Variants in WDR93 observed in about 807,000 individuals in gnomAD.
WDR93 encodes the protein WD repeat-containing protein 93.
Under a neutral mutation model 82.9 loss-of-function variants are expected in WDR93, and 73 were observed. The observed-to-expected ratio is 0.88, with a 90% CI of 0.73 to 1.07. The LOEUF (loss-of-function observed/expected upper bound fraction) is 1.07. WDR93 is among the 50% of genes least tolerant of loss of function. WDR93 has a pLI of 0.00. For missense variants in WDR93, 738 were observed against 826.0 expected (o/e 0.89, Z 1.31); for synonymous variants, 283 against 300.1 (o/e 0.94, Z 0.59).
chr15:89,718,396 C>T (rs1043592675), intron 7 of WDR93, among the ~76,000 whole-genome samples: 1 of 152,010 alleles, frequency 6.6e-6, no homozygotes, highest in Admixed American at 6.5e-5. Context: ...CTCGCTTGAA[C>T]CCGGGAGGCG....
chr15:89,701,336 C>A (rs1333035423), intron 1 of WDR93, among the ~76,000 whole-genome samples: 2 of 152,068 alleles, frequency 1.3e-5, no homozygotes, highest in Non-Finnish European at 1.5e-5. Flanking sequence ...GGCTCACTGC[C>A]CACCTGGCTT....
chr15:89,739,887 G>A (rs552948286), intron 16 of WDR93, among the ~76,000 whole-genome samples: 2 of 152,200 alleles, frequency 1.3e-5, no homozygotes, highest in East Asian at 3.9e-4. Context: ...CTTTCTCTGT[G>A]TAGACTGTTT....
At chr15:89,705,181 C>G (rs1965670867) in intron 3 of WDR93, 2 of 203,692 alleles carry the variant, frequency 9.8e-6, no homozygotes, top group African/African-American at 4.7e-5. Context: ...TATGAATTCT[C>G]AAGAGGAATA....
intron 7 of WDR93, among the ~76,000 whole-genome samples, chr15:89,718,276 C>A (rs1966350368): frequency 6.6e-6 from 1 of 152,142 alleles, no homozygotes; most frequent in Non-Finnish European, 1.5e-5. Context: ...GAGTTTGAGA[C>A]CAGCCTGACC....
intron 4 of WDR93, among the ~76,000 whole-genome samples, chr15:89,711,661 A>G (rs1340479508): frequency 6.6e-6 from 1 of 152,158 alleles, no homozygotes; most frequent in African/African-American, 2.4e-5. Context: ...TCCAGCAACT[A>G]CCAGAGTTTT....
intron 13 of WDR93, 95 bp from the exon 14 acceptor site, chr15:89,735,395 T>C: frequency 7.7e-7 from 1 of 1,299,460 alleles, no homozygotes; most frequent in South Asian, 1.2e-5. Context: ...TTTCTTGATT[T>C]CTCTGAATTT....
At chr15:89,692,084 A>G (rs1964918644) in intron 1 of WDR93, among the ~76,000 whole-genome samples, 1 of 152,130 alleles carries the variant, frequency 6.6e-6, no homozygotes, top group African/African-American at 2.4e-5. Context: ...ATTCCCTGCC[A>G]GGAGCCTTGT....
At chr15:89,720,470 A>G (rs978490568) in intron 7 of WDR93, among the ~76,000 whole-genome samples, 4 of 151,898 alleles carry the variant, frequency 2.6e-5, no homozygotes, top group Non-Finnish European at 5.9e-5. Flanking sequence ...ATGGGGTTTC[A>G]CCATATTGGT....
At chr15:89,701,314 G>C (rs1965451862) in intron 1 of WDR93, among the ~76,000 whole-genome samples, 1 of 152,138 alleles carries the variant, frequency 6.6e-6, no homozygotes, top group Non-Finnish European at 1.5e-5. Flanking sequence ...GAAAGAAAGG[G>C]AGGAGAGTCG....
intron 7 of WDR93, among the ~76,000 whole-genome samples, chr15:89,719,110 C>T (rs1966399788): frequency 6.6e-6 from 1 of 151,740 alleles, no homozygotes; most frequent in Non-Finnish European, 1.5e-5. Flanking sequence ...CATTTTGAAA[C>T]AGGGGCTCAC....
intron 4 of WDR93, among the ~76,000 whole-genome samples, chr15:89,709,831 C>T (rs758177914): frequency 4.0e-5 from 6 of 150,978 alleles, no homozygotes; most frequent in Non-Finnish European, 4.4e-5. Flanking sequence ...AAGATTTGTA[C>T]AAGATGTTCA....
In WDR93 at chr15:89,715,102, A is replaced by G; in HGVS notation, c.756+7A>G. On this transcript the variant is annotated splice_region_variant and intron_variant, in intron 6 of 16. Transcript: ENST00000268130. ...AGTCAGACAGCCGCAACTGGTAGGA[A>G]ATATCTCTGCTTTCAGCTGATATGT... is the stretch of plus-strand genomic sequence containing the variant. 6.2e-7 allele frequency: 1 copy of G among 1,611,734 alleles called. No individual in the cohort carries two copies. Among genetic ancestry groups the G allele is most frequent in the Non-Finnish European group, 8.5e-7 (1 of 1,178,846 alleles).
intron 4 of WDR93, among the ~76,000 whole-genome samples, chr15:89,709,294 T>C (rs1253532779): frequency 6.6e-6 from 1 of 152,208 alleles, no homozygotes; most frequent in Non-Finnish European, 1.5e-5. Flanking sequence ...GAGAATGCCT[T>C]GGATCCTGAG....
chr15:89,712,396 C>CTTTTTTTTTTTTTTTTTT (rs1170109589), intron 5 of WDR93, among the ~76,000 whole-genome samples: 3 of 80,512 alleles, frequency 3.7e-5, no homozygotes, highest in Non-Finnish European at 4.4e-5. Flanking sequence ...TTCCACTAAT[C>CTTTTTTTTTTTTTTTTTT]TTTTTTTTTT....
chr15:89,702,614 A>G (rs1965523521), intron 2 of WDR93, among the ~76,000 whole-genome samples: 1 of 150,576 alleles, frequency 6.6e-6, no homozygotes. Context: ...ATCTCGGCTC[A>G]CTGTAACCTC....
At chr15:89,696,272 G>A (rs1032976147) in intron 1 of WDR93, among the ~76,000 whole-genome samples, 1 of 152,120 alleles carries the variant, frequency 6.6e-6, no homozygotes, top group African/African-American at 2.4e-5. Flanking sequence ...TCATCATAAT[G>A]TCTTTGAGAT....
chr15:89,711,409 C>T (rs536322308), intron 4 of WDR93, among the ~76,000 whole-genome samples: 35 of 151,914 alleles, frequency 2.3e-4, no homozygotes, highest in African/African-American at 8.5e-4. Flanking sequence ...CCCTATAATC[C>T]TAGCACTTTG....
At chr15:89,700,736 T>G (rs1965419923) in intron 1 of WDR93, among the ~76,000 whole-genome samples, 1 of 151,588 alleles carries the variant, frequency 6.6e-6, no homozygotes, top group Non-Finnish European at 1.5e-5. Context: ...TTTAAATTTT[T>G]TGTATAGATG....
chr15:89,728,737 C>T (rs1327262572), intron 9 of WDR93, among the ~76,000 whole-genome samples: 2 of 152,172 alleles, frequency 1.3e-5, no homozygotes, highest in African/African-American at 4.8e-5. Context: ...ACATCTTCCC[C>T]AAAACAGAAG....
Sources: allele counts gnomAD v4.1 joint callset (sites outside exome capture counted in the v4.1 genomes callset), GRCh38; gene constraint gnomAD v4.1.1; transcripts MANE v1.5; gene names NCBI Gene and HGNC (gene_info 2026-07-23, HGNC 2026-07-21).